The following ZNF232 variants were observed in gnomAD, a reference collection of about 807,000 sequenced individuals.
ZNF232 encodes zinc finger protein 232, also known as zinc finger and SCAN domain-containing protein 11.
A neutral mutation model predicts 25.2 loss-of-function variants in ZNF232; 25 were observed. The observed-to-expected ratio is 0.99, with a 90% CI of 0.72 to 1.39. ZNF232 has a LOEUF of 1.39. Ranked by LOEUF, ZNF232 falls within the 40% of genes most tolerant of loss-of-function variation. The pLI is 0.00. For synonymous variants in ZNF232, 193 were observed against 182.9 expected (o/e 1.06, Z -0.45); for missense variants, 519 against 520.9 (o/e 1.00, Z 0.04).
intron 3 of ZNF232, 149 bp from the exon 4 acceptor site, chr17:5,106,682 G>A: frequency 3.3e-6 from 2 of 598,122 alleles, no homozygotes; most frequent in South Asian, 8.0e-5. Context: ...GGACTATACA[G>A]AGGAGAGGGT....
chr17:5,106,298 C>T (rs2072259668), exon 4 of ZNF232: 1 of 1,614,112 alleles, frequency 6.2e-7, no homozygotes, highest in Admixed American at 1.7e-5. Context: ...CAACCATCTG[C>T]CTGAAACTTT....
chr17:5,109,324 C>T, intron 2 of ZNF232, 70 bp downstream of exon 2: 4 of 1,575,708 alleles, frequency 2.5e-6, no homozygotes, highest in Non-Finnish European at 3.5e-6. Flanking sequence ...CCTCCCCCTA[C>T]AGCTGCCCCT....
chr17:5,116,122 A>C (rs2072530088), upstream of ZNF232, among the ~76,000 whole-genome samples: 1 of 152,180 alleles, frequency 6.6e-6, no homozygotes, highest in African/African-American at 2.4e-5. Flanking sequence ...GGCGCCCATC[A>C]GTCTTCCCCT....
exon 2 of ZNF232, chr17:5,109,399 G>A (rs1238168723): frequency 6.2e-7 from 1 of 1,614,090 alleles, no homozygotes; most frequent in Admixed American, 1.7e-5. Context: ...CCCACCTGCG[G>A]CTCTGGTTCA....
At chr17:5,113,367 C>T (rs1324315022), upstream of ZNF232, 1 of 152,188 alleles carries the variant, frequency 6.6e-6, no homozygotes, top group African/African-American at 2.4e-5. Context: ...GTATTAATGT[C>T]ATTATCTTGA....
At position 5,122,206 on chromosome 17, in the gene ZNF232, G is replaced by A. The variant is rs553426344; in HGVS notation, c.-530+771C>T. On this transcript the variant is annotated intron_variant, in intron 1 of 4. Transcript: ENST00000250076. ...GAGAGGTTATAGCTCAAAACAGCAG[G>A]ACTGGATGCCTGGATCTCAGGGTAA... Among the ~76,000 whole-genome samples, 17 of 152,126 alleles carry A rather than the reference G, an allele frequency of 1.1e-4. No homozygotes were observed. In the East Asian group the frequency reaches 1.7e-3, roughly 16 times the overall value.
chr17:5,109,054 T>C lies in ZNF232; in HGVS notation c.499-2A>G. 1 of 1,613,976 alleles carries C rather than the reference T, an allele frequency of 6.2e-7. No homozygotes were observed. The highest frequency in any genetic ancestry group is 8.5e-7 in the Non-Finnish European group (1 of 1,179,946). On this transcript the variant is annotated splice_acceptor_variant, in intron 2 of 3. Transcript: ENST00000575898. LOFTEE classifies it high-confidence loss of function. ...AGGTCCATGTGCAGGGCCTGGGACC[T>C]GGAGGTGATCAGGCACCACTCAGTT...
chr17:5,111,659 C>A (rs1441049612), intron 1 of ZNF232, 141 bp downstream of exon 1: 3 of 1,328,918 alleles, frequency 2.3e-6, no homozygotes, highest in Non-Finnish European at 3.1e-6. Flanking sequence ...GCGCGGGCAC[C>A]ACGGGCAACC....
At chr17:5,109,369 T>C in intron 2 of ZNF232, 25 bp downstream of exon 2, 2 of 1,613,776 alleles carry the variant, frequency 1.2e-6, no homozygotes, top group East Asian at 2.2e-5. Flanking sequence ...CTGGCTCCCA[T>C]AACAGACCAA....
chr17:5,107,171 G>A (rs2072279694), intron 3 of ZNF232, among the ~76,000 whole-genome samples: 1 of 151,696 alleles, frequency 6.6e-6, no homozygotes, highest in Non-Finnish European at 1.5e-5. Context: ...GGTGGATCAC[G>A]AGGTCAGGAG....
chr17:5,107,663 C>T (rs1047406044), intron 3 of ZNF232, among the ~76,000 whole-genome samples: 1 of 151,518 alleles, frequency 6.6e-6, no homozygotes, highest in South Asian at 2.1e-4. Context: ...CTCAGCCTCC[C>T]CAGTAGCTGG....
At chr17:5,115,577 A>ACACACACACACACACACACACAC (rs1567761979), upstream of ZNF232, among the ~76,000 whole-genome samples, 125 of 79,038 alleles carry the variant, frequency 1.6e-3, no homozygotes, top group African/African-American at 6.0e-3. Flanking sequence ...CACACACACA[A>ACACACACACACACACACACACAC]AACCCAAAAC....
Position 5,109,892 on chromosome 17 carries a change from C to CCG in ZNF232, c.24-25_24-24insCG. 2 of 1,555,458 alleles carry CCG rather than the reference C, an allele frequency of 1.3e-6. 1 individual carries two copies. The highest frequency in any genetic ancestry group is 2.9e-5 in the African/African-American group (2 of 69,934). On this transcript the variant is annotated intron_variant, in intron 1 of 3. Coordinates refer to ENST00000575898, the Ensembl canonical transcript of ZNF232. ...CCCTGTAACATAAGAAGAAATCATT[C>CCG]CTCTTTTTTTTTTTTAAGACAGAGT...
upstream of ZNF232, chr17:5,112,098 G>A (rs150044010): frequency 2.3e-4 from 129 of 558,934 alleles, no homozygotes; most frequent in African/African-American, 2.3e-3. Context: ...CAGTCCTTGC[G>A]CAGGTGGAGA....
intron 2 of ZNF232, 83 bp downstream of exon 2, chr17:5,109,311 G>A (rs1184540550): frequency 6.5e-7 from 1 of 1,541,146 alleles, no homozygotes; most frequent in Admixed American, 1.7e-5. Context: ...TTTGAACTTG[G>A]CACCTCCCCC....
chr17:5,111,947 A>C, upstream of ZNF232: 1 of 1,411,230 alleles, frequency 7.1e-7, no homozygotes, highest in Non-Finnish European at 9.5e-7. Flanking sequence ...CCGTTCGCGG[A>C]CTTTGGCCCA....
At chr17:5,112,530 C>G (rs1031179788), upstream of ZNF232, among the ~76,000 whole-genome samples, 6 of 151,734 alleles carry the variant, frequency 4.0e-5, no homozygotes, top group African/African-American at 1.2e-4. Flanking sequence ...TGGCTCACTG[C>G]AAGCTCCGCC....
intron 1 of ZNF232, chr17:5,111,030 T>A (rs1221792129): frequency 1.3e-5 from 2 of 152,220 alleles, no homozygotes; most frequent in African/African-American, 4.8e-5. Flanking sequence ...TGAATTTGTC[T>A]CGTGCTCAGT....
chr17:5,117,967 G>A (rs2072571639), intron 1 of ZNF232, among the ~76,000 whole-genome samples: 1 of 151,860 alleles, frequency 6.6e-6, no homozygotes, highest in South Asian at 2.1e-4. Context: ...TCCTCAGGAG[G>A]CTGAGGCAGG....
Sources: gnomAD v4.1 joint callset for allele counts (sites outside exome capture counted in the v4.1 genomes callset) on GRCh38, gnomAD v4.1.1 for gene constraint, MANE v1.5 for transcripts, NCBI Gene and HGNC (gene_info 2026-07-23, HGNC 2026-07-21) for gene names.